Variants in ATP11C observed in about 807,000 individuals in gnomAD.
ATP11C encodes ATPase phospholipid transporting 11C (ATP11C blood group).
Under a neutral mutation model 97.4 loss-of-function variants are expected in ATP11C, and 36 were observed. The ratio of observed to expected loss-of-function variants is 0.37; its 90% CI spans 0.28 to 0.49. The LOEUF is 0.49. ATP11C is among the 20% of genes least tolerant of loss of function. ATP11C has a pLI of 0.98. For synonymous variants in ATP11C, 275 were observed against 290.9 expected, an observed-to-expected ratio of 0.95 and a Z score of 0.56; for missense variants, 730 against 824.6, an observed-to-expected ratio of 0.89 and a Z score of 1.40.
intron 12 of ATP11C, among the ~76,000 whole-genome samples, chrX:139,790,595 G>GT (rs1229881102): frequency 4.5e-5 from 5 of 110,057 alleles, no homozygotes; most frequent in Non-Finnish European, 9.5e-5. Context: ...ACTGATGAAG[G>GT]TTTTTTTCCC....
At chrX:139,808,453 G>A (rs1385031470) in intron 5 of ATP11C, among the ~76,000 whole-genome samples, 1 of 111,428 alleles carries the variant, frequency 9.0e-6, no homozygotes, top group Non-Finnish European at 1.9e-5. Flanking sequence ...GCTGAAAACT[G>A]AAAATAGAAA....
At chrX:139,768,122 A>G (rs994733898) in intron 20 of ATP11C, 138 bp downstream of exon 20, 2 of 413,381 alleles carry the variant, frequency 4.8e-6, no homozygotes, top group African/African-American at 5.1e-5. Flanking sequence ...GATTACAAAA[A>G]GAAAGAAGCC....
chrX:139,904,487 C>T (rs1031658598), intron 1 of ATP11C, among the ~76,000 whole-genome samples: 3 of 111,442 alleles, frequency 2.7e-5, no homozygotes, highest in Admixed American at 9.6e-5. Context: ...GAGATCACAC[C>T]ACTGCACTCC....
At chrX:139,926,124 G>A (rs2085348006) in intron 1 of ATP11C, among the ~76,000 whole-genome samples, 1 of 110,540 alleles carries the variant, frequency 9.0e-6, no homozygotes, top group African/African-American at 3.3e-5. Context: ...AGGCCAAGAA[G>A]GTAAATGTTA....
intron 1 of ATP11C, among the ~76,000 whole-genome samples, chrX:139,846,058 C>T (rs373161491): frequency 6.0e-4 from 67 of 111,854 alleles, no homozygotes; most frequent in Admixed American, 1.6e-3. Context: ...CTGACTTATA[C>T]GTTCATATTT....
chrX:139,752,478 T>C (rs1352946451), intron 23 of ATP11C, among the ~76,000 whole-genome samples: 1 of 111,783 alleles, frequency 8.9e-6, no homozygotes, highest in East Asian at 2.8e-4. Context: ...GCAGTTAAGG[T>C]AATCTAAGAA....
chrX:139,796,725 A>C (rs950063812), intron 11 of ATP11C, among the ~76,000 whole-genome samples: 1 of 111,105 alleles, frequency 9.0e-6, no homozygotes, highest in Non-Finnish European at 1.9e-5. Flanking sequence ...CACTTCTTTA[A>C]GTTCTCTTTG....
At chrX:139,841,598 A>G (rs1429729496) in intron 1 of ATP11C, among the ~76,000 whole-genome samples, 1 of 111,492 alleles carries the variant, frequency 9.0e-6, no homozygotes, top group African/African-American at 3.3e-5. Flanking sequence ...TTGATGTTCA[A>G]AAGACAAGAG....
intron 1 of ATP11C, among the ~76,000 whole-genome samples, chrX:139,903,465 T>G (rs997172892): frequency 1.8e-5 from 2 of 109,758 alleles, no homozygotes; most frequent in East Asian, 5.7e-4. Context: ...AGCTTCCAGA[T>G]AGCTGACACG....
At chrX:139,835,898 A>C (rs1257173499) in intron 1 of ATP11C, among the ~76,000 whole-genome samples, 1 of 105,657 alleles carries the variant, frequency 9.5e-6, no homozygotes, top group African/African-American at 3.4e-5. Context: ...GTGGTGGTAC[A>C]CACCTGTAAT....
intron 23 of ATP11C, among the ~76,000 whole-genome samples, chrX:139,757,553 T>C (rs931887923): frequency 1.7e-4 from 19 of 111,656 alleles, no homozygotes; most frequent in African/African-American, 5.2e-4. Context: ...TTTTTATACA[T>C]TGATAAAAAG....
In ATP11C at chrX:139,932,116, T is replaced by C. The variant is rs1363261789; in HGVS notation, c.-74A>G. On this transcript the variant is annotated 5_prime_UTR_variant, in exon 1 of 30. Coordinates refer to ENST00000682941, the MANE Select transcript of ATP11C (RefSeq NM_001353812.2). ...GGAAGGCGCCGTCCACAAAACACAC[T>C]GCGGCGTGGGCCGGCGGCGCCAAGC... 1 of 998,193 alleles carries C rather than the reference T, an allele frequency of 1.0e-6. No individual in the cohort carries two copies. The highest frequency in any genetic ancestry group is 1.3e-6 in the Non-Finnish European group (1 of 767,640). The allele number at this position is 998,193 out of a possible 1,213,427, so 82.3% of individuals were successfully genotyped here.
chrX:139,838,062 G>A (rs1004994685), intron 1 of ATP11C, among the ~76,000 whole-genome samples: 1 of 112,064 alleles, frequency 8.9e-6, no homozygotes, highest in African/African-American at 3.2e-5. Context: ...TCCAATAGAA[G>A]AGTTGTTAAA....
intron 1 of ATP11C, among the ~76,000 whole-genome samples, 186 bp downstream of exon 1, chrX:139,931,830 C>T (rs1242599402): frequency 9.0e-6 from 1 of 110,618 alleles, no homozygotes; most frequent in Non-Finnish European, 1.9e-5. Context: ...TGGGATACCC[C>T]GAGAGCCCTA....
intron 19 of ATP11C, among the ~76,000 whole-genome samples, chrX:139,769,303 TATATATATATA>T: frequency 1.4e-5 from 1 of 70,793 alleles, no homozygotes; most frequent in Middle Eastern, 6.4e-3. Flanking sequence ...TATATATATA[TATATATATATA>T]TATATATATA....
chrX:139,858,373 T>TA (rs1288637228), intron 1 of ATP11C, among the ~76,000 whole-genome samples: 1 of 111,954 alleles, frequency 8.9e-6, no homozygotes, highest in Admixed American at 9.5e-5. Flanking sequence ...CTTTGCCAGA[T>TA]ATGCTTGTCC....
chrX:139,762,428 G>A (rs1403255679), intron 21 of ATP11C, among the ~76,000 whole-genome samples: 1 of 111,426 alleles, frequency 9.0e-6, no homozygotes, highest in Non-Finnish European at 1.9e-5. Flanking sequence ...GTGCTTAATT[G>A]TGTATGACGC....
chrX:139,836,547 CA>C (rs1318101600), intron 1 of ATP11C, among the ~76,000 whole-genome samples: 2 of 110,938 alleles, frequency 1.8e-5, no homozygotes, highest in Non-Finnish European at 3.8e-5. Context: ...TTTCAGGCTT[CA>C]AAGCAGAAAA....
chrX:139,922,032 C>A (rs1312287938), intron 1 of ATP11C, among the ~76,000 whole-genome samples: 1 of 106,308 alleles, frequency 9.4e-6, no homozygotes, highest in Non-Finnish European at 1.9e-5. Context: ...TGGTGAAACC[C>A]TGTCTCTCCT....
Sources: allele counts gnomAD v4.1 joint callset (sites outside exome capture counted in the v4.1 genomes callset), GRCh38; gene constraint gnomAD v4.1.1; transcripts MANE v1.5; gene names NCBI Gene and HGNC (gene_info 2026-07-23, HGNC 2026-07-21).